The following USP15 variants were observed in gnomAD, a reference collection of about 807,000 sequenced individuals.
USP15 encodes ubiquitin specific peptidase 15.
Under a neutral mutation model 127.1 loss-of-function variants are expected in USP15, and 18 were observed. The observed-to-expected ratio is 0.14, with a 90% CI of 0.10 to 0.21. The LOEUF is 0.21. USP15 is among the 10% of genes least tolerant of loss of function. USP15 has a pLI of 1.00. For synonymous variants in USP15, 364 were observed against 393.7 expected, an observed-to-expected ratio of 0.92 and a Z score of 0.89; for missense variants, 805 against 1,159.9, an observed-to-expected ratio of 0.69 and a Z score of 4.44.
At chr12:62,289,600 A>G (rs1259869861) in intron 1 of USP15, among the ~76,000 whole-genome samples, 1 of 150,722 alleles carries the variant, frequency 6.6e-6, no homozygotes, top group East Asian at 2.0e-4. Flanking sequence ...TCTCAGTGTC[A>G]CTTACTTTTC....
intron 1 of USP15, among the ~76,000 whole-genome samples, chr12:62,263,943 G>A (rs927249542): frequency 2.6e-5 from 4 of 152,166 alleles, no homozygotes; most frequent in African/African-American, 9.7e-5. Flanking sequence ...TTAAGGAATG[G>A]TAGTTAATGA....
At chr12:62,357,551 A>C (rs1445676868) in intron 8 of USP15, among the ~76,000 whole-genome samples, 3 of 152,146 alleles carry the variant, frequency 2.0e-5, no homozygotes, top group Non-Finnish European at 1.5e-5. Flanking sequence ...TTTTATGGTA[A>C]TAGCCATAAA....
intron 7 of USP15, among the ~76,000 whole-genome samples, chr12:62,351,121 CAAG>C (rs2065953940): frequency 6.6e-6 from 1 of 151,818 alleles, no homozygotes; most frequent in Non-Finnish European, 1.5e-5. Context: ...CAATATGAAT[CAAG>C]AACATTTAAA....
In USP15 at chr12:62,414,626, A is replaced by T. The variant is rs1274723013; in HGVS notation, c.*10251A>T. ...TGCTGGGATTACAGGCATGAACCACAGCACCTGGCCATGTATTTTCATTTA... is the reference window on the plus strand; with the variant it reads ...TGCTGGGATTACAGGCATGAACCACTGCACCTGGCCATGTATTTTCATTTA... On this transcript the variant is annotated 3_prime_UTR_variant, in exon 22 of 22. Transcript: ENST00000280377. 7 of 152,220 alleles carry T rather than the reference A, an allele frequency of 4.6e-5. No homozygotes were observed. Among genetic ancestry groups the T allele is most frequent in the African/African-American group, 1.7e-4 (7 of 41,440 alleles). The allele number at this position is 152,220 out of a possible 1,614,324, so 9.4% of individuals were successfully genotyped here. A position where few individuals can be genotyped will look rare whatever the true frequency, so the allele number is the denominator to read the frequency against.
intron 8 of USP15, among the ~76,000 whole-genome samples, chr12:62,363,670 C>CA (rs2066384468): frequency 6.6e-6 from 1 of 152,052 alleles, no homozygotes; most frequent in Non-Finnish European, 1.5e-5. Flanking sequence ...CCAACACAGA[C>CA]ACCCTCTCCC....
chr12:62,303,260 C>T (rs2064369816), intron 3 of USP15: 1 of 159,520 alleles, frequency 6.3e-6, no homozygotes, highest in Non-Finnish European at 1.4e-5. Flanking sequence ...TTCTGTGCTG[C>T]ACTGTTTTTG....
chr12:62,272,658 A>G (rs1051552259), intron 1 of USP15, among the ~76,000 whole-genome samples: 1 of 151,868 alleles, frequency 6.6e-6, no homozygotes, highest in Admixed American at 6.6e-5. Context: ...CAACTCCAAA[A>G]CCTTTTACAT....
intron 8 of USP15, among the ~76,000 whole-genome samples, chr12:62,364,077 C>T (rs890221549): frequency 1.2e-4 from 19 of 152,058 alleles, no homozygotes; most frequent in East Asian, 3.9e-4. Flanking sequence ...TAAAAATCTG[C>T]GTGTCGTAGG....
chr12:62,401,620 G>C (rs993285042), intron 21 of USP15, among the ~76,000 whole-genome samples: 1 of 151,226 alleles, frequency 6.6e-6, no homozygotes, highest in African/African-American at 2.4e-5. Context: ...TTAAACAAGA[G>C]AAAAAAAATC....
chr12:62,402,707 G>A (rs962927593), intron 21 of USP15, among the ~76,000 whole-genome samples: 1 of 152,054 alleles, frequency 6.6e-6, no homozygotes, highest in African/African-American at 2.4e-5. Flanking sequence ...CTTAGATCAA[G>A]AAAAGTGGCA....
Position 62,408,398 on chromosome 12 carries a change from G to A in USP15, c.*4023G>A, listed in dbSNP as rs981108186. ...ATGAGCTCACCGCTTTAATTTTTAA[G>A]ATAGAAATGTGGAAAACTCTTGAAT... On this transcript the variant is annotated 3_prime_UTR_variant, in exon 22 of 22. Transcript: ENST00000280377. The A allele has an allele frequency of 1.3e-5, 2 of 151,800 alleles. No homozygotes were observed. The highest frequency in any genetic ancestry group is 2.9e-5 in the Non-Finnish European group (2 of 67,950). 9.4% of individuals were successfully genotyped at this position (151,800 alleles called of 1,614,324 possible). A position where few individuals can be genotyped will look rare whatever the true frequency, so the allele number is the denominator to read the frequency against.
chr12:62,407,190 C>T lies in USP15; in HGVS notation c.*2815C>T, dbSNP rs553215455. 6.6e-6 allele frequency: 1 copy of T among 152,210 alleles called. No homozygotes were observed. Among genetic ancestry groups the T allele is most frequent in the African/African-American group, 2.4e-5 (1 of 41,522 alleles). The allele number at this position is 152,210 out of a possible 1,614,324, so 9.4% of individuals were successfully genotyped here. ...TTTATATGCATTCTCTCATTTAATC[C>T]CACAACAGCTATGAGGTAGGGATAG... On this transcript the variant is annotated 3_prime_UTR_variant, in exon 22 of 22. Coordinates refer to ENST00000280377, the MANE Select transcript of USP15 (RefSeq NM_001252078.2).
intron 3 of USP15, chr12:62,303,415 C>T (rs1402821491): frequency 2.0e-5 from 3 of 152,158 alleles, no homozygotes; most frequent in African/African-American, 7.3e-5. Context: ...TAAGAATAAC[C>T]AATTTCGTTT....
At chr12:62,320,493 A>T (rs1413001780) in intron 4 of USP15, among the ~76,000 whole-genome samples, 1 of 152,210 alleles carries the variant, frequency 6.6e-6, no homozygotes, top group Non-Finnish European at 1.5e-5. Flanking sequence ...GTGAGAACAG[A>T]CTAATACAAG....
intron 3 of USP15, among the ~76,000 whole-genome samples, chr12:62,307,386 T>A (rs2064516855): frequency 6.6e-6 from 1 of 152,160 alleles, no homozygotes. Context: ...CAGGTAGATT[T>A]CATAATCGTT....
At chr12:62,361,485 T>G (rs1328079507) in intron 8 of USP15, among the ~76,000 whole-genome samples, 1 of 152,010 alleles carries the variant, frequency 6.6e-6, no homozygotes, top group Non-Finnish European at 1.5e-5. Flanking sequence ...TACAAAGTGG[T>G]TTTACTATCC....
intron 1 of USP15, among the ~76,000 whole-genome samples, chr12:62,273,298 G>A (rs531099838): frequency 7.9e-5 from 12 of 151,972 alleles, no homozygotes; most frequent in Non-Finnish European, 1.3e-4. Context: ...CTCCCTGTAC[G>A]TTTACTTCAC....
intron 11 of USP15, among the ~76,000 whole-genome samples, chr12:62,386,825 G>A (rs553976512): frequency 6.6e-6 from 1 of 152,256 alleles, no homozygotes; most frequent in Non-Finnish European, 1.5e-5. Context: ...AGATCAGTTA[G>A]AAAAGGCTTA....
intron 1 of USP15, among the ~76,000 whole-genome samples, chr12:62,263,604 T>G (rs1176812527): frequency 6.6e-6 from 1 of 152,254 alleles, no homozygotes; most frequent in African/African-American, 2.4e-5. Context: ...CTTTATGATG[T>G]ATTTAGTTCT....
Sources: allele counts gnomAD v4.1 joint callset (sites outside exome capture counted in the v4.1 genomes callset), GRCh38; gene constraint gnomAD v4.1.1; transcripts MANE v1.5; gene names NCBI Gene and HGNC (gene_info 2026-07-23, HGNC 2026-07-21).